FRYL: variants seen among roughly 807,000 people sequenced by gnomAD.
The protein encoded by FRYL is protein furry homolog-like.
Under a neutral mutation model 351.2 loss-of-function variants are expected in FRYL, and 150 were observed. That is an observed-to-expected ratio of 0.43 (90% CI 0.37 to 0.49). The LOEUF is 0.49. Ranked by LOEUF, FRYL falls within the 20% of genes least tolerant of loss-of-function variation. The pLI is 0.00. For missense variants in FRYL, 3,036 were observed against 3,619.3 expected (o/e 0.84, Z 4.13); for synonymous variants, 1,153 against 1,257.1 (o/e 0.92, Z 1.75).
intron 2 of FRYL, among the ~76,000 whole-genome samples, chr4:48,707,780 C>T (rs1374370167): frequency 6.6e-6 from 1 of 151,984 alleles, no homozygotes; most frequent in Non-Finnish European, 1.5e-5. Flanking sequence ...CAAAGAATCA[C>T]ACCCTTCTCC....
chr4:48,773,013 T>C (rs1003434347), intron 1 of FRYL, among the ~76,000 whole-genome samples: 1 of 152,200 alleles, frequency 6.6e-6, no homozygotes, highest in Non-Finnish European at 1.5e-5. Flanking sequence ...CATCAAAGTG[T>C]CTTACATTTG....
intron 47 of FRYL, 81 bp from the exon 48 acceptor site, chr4:48,535,908 T>A (rs1177955741): frequency 1.9e-6 from 2 of 1,072,254 alleles, no homozygotes; most frequent in East Asian, 2.9e-5. Context: ...TGTATTCGCT[T>A]AATGAAATAA....
intron 13 of FRYL, among the ~76,000 whole-genome samples, chr4:48,597,862 T>C (rs759874812): frequency 1.1e-4 from 17 of 152,154 alleles, no homozygotes; most frequent in Non-Finnish European, 2.2e-4. Flanking sequence ...AAAAATCAAT[T>C]ATTATTTTTT....
chr4:48,546,959 A>ATCTG (rs1243982478), intron 41 of FRYL, among the ~76,000 whole-genome samples: 1 of 146,692 alleles, frequency 6.8e-6, no homozygotes, highest in Non-Finnish European at 1.5e-5. Flanking sequence ...TGAACCCTGT[A>ATCTG]TCTGACACTG....
intron 1 of FRYL, among the ~76,000 whole-genome samples, chr4:48,745,616 G>T (rs1424470868): frequency 6.6e-6 from 1 of 152,084 alleles, no homozygotes; most frequent in East Asian, 1.9e-4. Flanking sequence ...GGTGGGGGGA[G>T]TGGGGAAGGA....
chr4:48,610,697 A>C (rs1279341252), intron 7 of FRYL, among the ~76,000 whole-genome samples: 1 of 145,480 alleles, frequency 6.9e-6, no homozygotes, highest in Non-Finnish European at 1.5e-5. Context: ...ATATACATAT[A>C]TTATATACAT....
At chr4:48,516,888 G>A (rs1443099148) in intron 55 of FRYL, among the ~76,000 whole-genome samples, 3 of 152,168 alleles carry the variant, frequency 2.0e-5, no homozygotes, top group Non-Finnish European at 4.4e-5. Flanking sequence ...CAACTGAGGT[G>A]AGTCTCCTTG....
chr4:48,568,262 T>C (rs1737296225), intron 27 of FRYL, among the ~76,000 whole-genome samples: 1 of 152,184 alleles, frequency 6.6e-6, no homozygotes. Flanking sequence ...GGAAGAAAGA[T>C]GTATCTGCAA....
chr4:48,629,481 T>C (rs1485162943), intron 4 of FRYL, among the ~76,000 whole-genome samples: 1 of 152,224 alleles, frequency 6.6e-6, no homozygotes, highest in Non-Finnish European at 1.5e-5. Context: ...TTCACTCATT[T>C]GTCCAAATTA....
intron 1 of FRYL, among the ~76,000 whole-genome samples, chr4:48,715,809 A>AC (rs1430111209): frequency 1.5e-4 from 23 of 152,358 alleles, no homozygotes; most frequent in Non-Finnish European, 5.9e-5. Context: ...AAGAGCCCGC[A>AC]TCGCCAAGTC....
At chr4:48,679,026 C>T (rs1327107366) in intron 3 of FRYL, among the ~76,000 whole-genome samples, 1 of 152,016 alleles carries the variant, frequency 6.6e-6, no homozygotes, top group Non-Finnish European at 1.5e-5. Flanking sequence ...AATACCAAGT[C>T]CAATTATGTA....
In FRYL at chr4:48,546,514, G is replaced by T. The variant is rs1178172741; in HGVS notation, c.5075-243C>A. 1.6e-5 allele frequency: 7 copies of T among 425,550 alleles called. No homozygotes were observed. The East Asian group carries it at 2.2e-4, about 14-fold the overall frequency. The allele number at this position is 425,550 out of a possible 1,614,324, so 26.4% of individuals were successfully genotyped here. The stretch of plus-strand genomic sequence containing the variant: ...ATTTGGATGTACTATGCAGTCCTCT[G>T]CCGCCATCTGCTGAAGAAACTTGCA... On this transcript the variant is annotated intron_variant, in intron 41 of 63. Coordinates refer to ENST00000358350, the MANE Select transcript of FRYL (RefSeq NM_015030.2).
At chr4:48,505,737 C>T in intron 59 of FRYL, 122 bp from the exon 60 acceptor site, 1 of 605,066 alleles carries the variant, frequency 1.7e-6, no homozygotes, top group Admixed American at 3.0e-5. Context: ...TAGACCTAGA[C>T]TTTTATCTCC....
chr4:48,573,797 C>T (rs183222459), intron 25 of FRYL, among the ~76,000 whole-genome samples: 3 of 152,198 alleles, frequency 2.0e-5, no homozygotes, highest in Non-Finnish European at 4.4e-5. Flanking sequence ...GCGATTTGCC[C>T]GCCTCAGCCT....
intron 1 of FRYL, among the ~76,000 whole-genome samples, chr4:48,733,297 A>G (rs965148499): frequency 6.8e-5 from 10 of 147,012 alleles, no homozygotes; most frequent in African/African-American, 1.7e-4. Flanking sequence ...AAATAATGAG[A>G]AAAAAAAAAA....
At chr4:48,564,870 C>T (rs1381458104) in intron 30 of FRYL, 63 bp downstream of exon 30, 2 of 852,984 alleles carry the variant, frequency 2.3e-6, no homozygotes, top group Non-Finnish European at 3.8e-6. Context: ...GTGCAACATA[C>T]ATTAACTGCA....
chr4:48,525,871 A>G (rs1449546328), intron 53 of FRYL, among the ~76,000 whole-genome samples: 1 of 151,812 alleles, frequency 6.6e-6, no homozygotes, highest in Admixed American at 6.6e-5. Context: ...GCTGTATATG[A>G]GTAGTATATG....
At position 48,500,088 on chromosome 4, in the gene FRYL, T is replaced by A; in HGVS notation, c.8725A>T (p.Ile2909Phe). The change falls in exon 63 of 64, where the codon ATT becomes TTT. Residue 2909 changes from isoleucine (I) to phenylalanine (F), a missense_variant. Physicochemically the swap from Ile to Phe is conservative, Grantham distance 21 (BLOSUM62 0). This residue lies in a region of FRYL where 1,987 missense variants were observed against 2,311.7 expected (regional missense o/e 0.86). Coordinates refer to ENST00000358350, the MANE Select transcript of FRYL (RefSeq NM_015030.2). ...AATTCTTTATTTTTCAAAGTTTCAA[T>A]TAAAGAATGAATGGCAGTTTCTATA... The part of the protein sequence containing the change: ...TTIETAIHSL[I>F]ETLKNKEFIS... 6.3e-7 allele frequency: 1 copy of A among 1,595,490 alleles called. No homozygotes were observed. Among genetic ancestry groups the A allele is most frequent in the Middle Eastern group, 1.7e-4 (1 of 6,012 alleles).
chr4:48,713,099 C>A (rs934919377), intron 1 of FRYL, among the ~76,000 whole-genome samples: 5 of 152,022 alleles, frequency 3.3e-5, no homozygotes, highest in Admixed American at 3.3e-4. Flanking sequence ...TGGAAAGGAA[C>A]GACCGGTACC....
Sources: allele counts gnomAD v4.1 joint callset (sites outside exome capture counted in the v4.1 genomes callset), GRCh38; gene constraint gnomAD v4.1.1; regional missense constraint gnomAD v4.1.1; transcripts MANE v1.5; gene names NCBI Gene and HGNC (gene_info 2026-07-23, HGNC 2026-07-21).